COL5A2: variants seen among roughly 807,000 people sequenced by gnomAD.
The protein encoded by COL5A2 is collagen alpha-2(V) chain.
Under a neutral mutation model 208.2 loss-of-function variants are expected in COL5A2, and 23 were observed. The ratio of observed to expected loss-of-function variants is 0.11; its 90% CI spans 0.08 to 0.16. COL5A2 has a LOEUF of 0.16. Ranked by LOEUF, COL5A2 falls within the 10% of genes least tolerant of loss-of-function variation. The pLI is 1.00. For missense variants in COL5A2, 1,590 were observed against 1,956.4 expected, an observed-to-expected ratio of 0.81 and a Z score of 3.53; for synonymous variants, 625 against 628.5, an observed-to-expected ratio of 0.99 and a Z score of 0.08.
At chr2:189,336,828 C>A in the COL5A2 span, among the ~76,000 whole-genome samples, 1 of 152,062 alleles carries the variant, frequency 6.6e-6, no homozygotes, top group Non-Finnish European at 1.5e-5. Flanking sequence ...AAACTTAAGA[C>A]CTTTCACATT....
intron 1 of COL5A2, among the ~76,000 whole-genome samples, chr2:189,170,164 A>G (rs1241410579): frequency 2.0e-5 from 3 of 152,228 alleles, no homozygotes; most frequent in African/African-American, 7.2e-5. Flanking sequence ...AATTTGATAG[A>G]TGAAGAAACT....
intron 7 of COL5A2, among the ~76,000 whole-genome samples, chr2:189,090,112 G>T (rs900716652): frequency 3.9e-5 from 6 of 152,170 alleles, no homozygotes; most frequent in Non-Finnish European, 8.8e-5. Context: ...ACTTATGAAT[G>T]CAAAGGAAAA....
chr2:189,255,461 C>A, the COL5A2 span, among the ~76,000 whole-genome samples: 3 of 152,112 alleles, frequency 2.0e-5, no homozygotes, highest in Non-Finnish European at 4.4e-5. Context: ...TGTTGGAATT[C>A]TTTTGCTGAA....
chr2:189,396,576 A>C, the COL5A2 span, among the ~76,000 whole-genome samples: 1 of 150,178 alleles, frequency 6.7e-6, no homozygotes, highest in Non-Finnish European at 1.5e-5. Context: ...CCGGAGCCTG[A>C]GGCAGGAGAA....
At chr2:189,339,097 T>G in the COL5A2 span, among the ~76,000 whole-genome samples, 1 of 152,148 alleles carries the variant, frequency 6.6e-6, no homozygotes, top group Non-Finnish European at 1.5e-5. Flanking sequence ...ACACCTATAA[T>G]CTCAGCAATT....
At chr2:189,152,003 T>G (rs932412779) in intron 1 of COL5A2, among the ~76,000 whole-genome samples, 1 of 152,212 alleles carries the variant, frequency 6.6e-6, no homozygotes, top group African/African-American at 2.4e-5. Context: ...TCTCTGTTTT[T>G]GAGTCAGTAG....
At chr2:189,419,452 T>C in the COL5A2 span, among the ~76,000 whole-genome samples, 12 of 152,116 alleles carry the variant, frequency 7.9e-5, no homozygotes, top group African/African-American at 2.9e-4. Flanking sequence ...AACAACTGCC[T>C]GGAAATTGGT....
At chr2:189,321,132 C>G in the COL5A2 span, among the ~76,000 whole-genome samples, 2 of 152,132 alleles carry the variant, frequency 1.3e-5, no homozygotes, top group Non-Finnish European at 2.9e-5. Context: ...ATTTTATCAC[C>G]ACCAGGCCTG....
At chr2:189,337,313 G>C in the COL5A2 span, among the ~76,000 whole-genome samples, 1 of 149,862 alleles carries the variant, frequency 6.7e-6, no homozygotes, top group East Asian at 2.0e-4. Context: ...CTCCCAAGTA[G>C]CTGGGACTAC....
At chr2:189,148,374 G>A (rs1688080438) in intron 1 of COL5A2, among the ~76,000 whole-genome samples, 1 of 152,058 alleles carries the variant, frequency 6.6e-6, no homozygotes, top group Admixed American at 6.6e-5. Flanking sequence ...ACACATAGAG[G>A]TGGAAAGAAT....
rs1003649346 is a variant in COL5A2 at position 189,176,212 on chromosome 2, G to A, written c.97+3296C>T. Reference sequence around the variant, plus strand: ...AGCTTGGGTCCAGGAGGATATCAGTGTAGGATTGCAACATGATGGCTGTAA... The same window carrying A: ...AGCTTGGGTCCAGGAGGATATCAGTATAGGATTGCAACATGATGGCTGTAA... On this transcript the variant is annotated intron_variant, in intron 1 of 53. Transcript: ENST00000374866. 3.9e-5 allele frequency among the ~76,000 whole-genome samples: 6 copies of A among 152,164 alleles called. 1 individual carries two copies. The highest frequency in any genetic ancestry group is 6.3e-3 in the Middle Eastern group (2 of 316).
At chr2:189,126,421 T>G (rs146871091) in intron 1 of COL5A2, among the ~76,000 whole-genome samples, 2 of 152,208 alleles carry the variant, frequency 1.3e-5, no homozygotes, top group Non-Finnish European at 2.9e-5. Context: ...TTCTTAAAGT[T>G]ATTAAAAATA....
chr2:189,251,021 G>A, the COL5A2 span, among the ~76,000 whole-genome samples: 2 of 152,034 alleles, frequency 1.3e-5, no homozygotes, highest in Non-Finnish European at 2.9e-5. Context: ...ATGAAGTCTG[G>A]GCATCAATCA....
chr2:189,117,193 A>T (rs770225265), intron 1 of COL5A2, among the ~76,000 whole-genome samples: 1 of 152,224 alleles, frequency 6.6e-6, no homozygotes, highest in African/African-American at 2.4e-5. Context: ...CACATACTGC[A>T]CATGCAATGC....
At chr2:189,393,927 T>G in the COL5A2 span, among the ~76,000 whole-genome samples, 5 of 152,206 alleles carry the variant, frequency 3.3e-5, no homozygotes, top group Admixed American at 3.3e-4. Context: ...TTAAAAGACG[T>G]TCTGTCCACT....
chr2:189,132,112 G>A (rs942500651), intron 1 of COL5A2, among the ~76,000 whole-genome samples: 1 of 152,222 alleles, frequency 6.6e-6, no homozygotes, highest in Non-Finnish European at 1.5e-5. Flanking sequence ...GTATGGACAT[G>A]TAATTAAACA....
chr2:189,083,783 T>C (rs1686590988), intron 12 of COL5A2, among the ~76,000 whole-genome samples: 1 of 152,198 alleles, frequency 6.6e-6, no homozygotes, highest in Admixed American at 6.5e-5. Flanking sequence ...GGCTTATTTA[T>C]GGTGCCAATG....
chr2:189,263,879 A>G, the COL5A2 span, among the ~76,000 whole-genome samples: 1 of 152,118 alleles, frequency 6.6e-6, no homozygotes. Context: ...CACCTAATGA[A>G]GCATTTCTCA....
intron 31 of COL5A2, among the ~76,000 whole-genome samples, chr2:189,060,425 A>G (rs1686002787): frequency 6.6e-6 from 1 of 152,234 alleles, no homozygotes; most frequent in South Asian, 2.1e-4. Context: ...AAAACGACAG[A>G]ATAAAATTGT....
Sources: allele counts gnomAD v4.1 joint callset (sites outside exome capture counted in the v4.1 genomes callset), GRCh38; gene constraint gnomAD v4.1.1; transcripts MANE v1.5; gene names NCBI Gene and HGNC (gene_info 2026-07-23, HGNC 2026-07-21).